PDSS1: variants seen among roughly 807,000 people sequenced by gnomAD.
PDSS1 encodes the protein decaprenyl diphosphate synthase subunit 1.
A neutral mutation model predicts 57.5 loss-of-function variants in PDSS1; 43 were observed. That is an observed-to-expected ratio of 0.75 (90% CI 0.59 to 0.96). The LOEUF is 0.96. Among genes scored for constraint, PDSS1 ranks in the 50% least tolerant of loss-of-function variants. The pLI is 0.00. For missense variants in PDSS1, 438 were observed against 527.8 expected, an observed-to-expected ratio of 0.83 and a Z score of 1.67; for synonymous variants, 175 against 191.3, an observed-to-expected ratio of 0.91 and a Z score of 0.70.
intron 2 of PDSS1, among the ~76,000 whole-genome samples, chr10:26,704,083 CAAAAA>C (rs1203931422): frequency 6.4e-5 from 2 of 31,080 alleles, no homozygotes; most frequent in East Asian, 3.6e-3. Flanking sequence ...CTCCGTCTCA[CAAAAA>C]AAAAAAAAAA....
At chr10:26,697,902 GGC>G in intron 1 of PDSS1, 62 bp downstream of exon 1, 1 of 1,231,150 alleles carries the variant, frequency 8.1e-7, no homozygotes, top group East Asian at 3.4e-5. Context: ...GACAGCAGTG[GGC>G]GGAATGAATG....
intron 10 of PDSS1, among the ~76,000 whole-genome samples, chr10:26,740,351 T>C (rs1418405058): frequency 2.0e-5 from 3 of 152,128 alleles, no homozygotes; most frequent in African/African-American, 7.2e-5. Context: ...CCGTAGAAGT[T>C]GATTTGGGCT....
intron 5 of PDSS1, chr10:26,717,768 G>A (rs1308383321): frequency 2.6e-5 from 4 of 151,928 alleles, no homozygotes; most frequent in Non-Finnish European, 4.4e-5. Flanking sequence ...TTGTTTTAAG[G>A]TAAGGTCTAC....
At chr10:26,744,677 G>A (rs574134035) in intron 11 of PDSS1, among the ~76,000 whole-genome samples, 7 of 152,104 alleles carry the variant, frequency 4.6e-5, no homozygotes, top group Non-Finnish European at 7.4e-5. Flanking sequence ...GTGAGCCACC[G>A]CGCTCAGTCC....
At chr10:26,738,898 A>G (rs984777883) in intron 10 of PDSS1, among the ~76,000 whole-genome samples, 5 of 152,234 alleles carry the variant, frequency 3.3e-5, no homozygotes, top group African/African-American at 1.2e-4. Flanking sequence ...GCGTCCTCCC[A>G]TGTACGTATG....
intron 5 of PDSS1, 91 bp downstream of exon 5, chr10:26,709,859 T>C (rs1835365571): frequency 3.6e-6 from 5 of 1,376,170 alleles, no homozygotes; most frequent in Non-Finnish European, 5.2e-6. Context: ...CATTTAAGAA[T>C]TAGCATATAC....
intron 8 of PDSS1, among the ~76,000 whole-genome samples, chr10:26,734,153 GA>G (rs924121451): frequency 6.6e-6 from 1 of 152,224 alleles, no homozygotes; most frequent in African/African-American, 2.4e-5. Flanking sequence ...AGGTCTTGTA[GA>G]GGGCACAAAT....
Position 26,709,710 on chromosome 10 carries a change from C to T in PDSS1, c.409C>T (p.Arg137Ter), listed in dbSNP as rs749092951. ...CTTTGATGGGAAAGGGAAAGCCTTTCGACCAATTATTGTGGCGCTAATGGC... is the reference window on the plus strand; with the variant it reads ...CTTTGATGGGAAAGGGAAAGCCTTTTGACCAATTATTGTGGCGCTAATGGC... ...YYFDGKGKAF[R>*]PIIVALMARA... Residue 137 changes from arginine (R) to a stop codon, truncating the protein, a stop_gained, in exon 5 of 12, where the codon CGA becomes TGA. Coordinates refer to ENST00000376215, the MANE Select transcript of PDSS1 (RefSeq NM_014317.5). LOFTEE classifies it high-confidence loss of function. 76 of 1,613,646 alleles carry T rather than the reference C, an allele frequency of 4.7e-5. No homozygotes were observed. Among genetic ancestry groups the T allele is most frequent in the Non-Finnish European group, 4.4e-5 (52 of 1,179,702 alleles).
At chr10:26,714,953 C>G (rs1835516439) in intron 5 of PDSS1, 2 of 152,110 alleles carry the variant, frequency 1.3e-5, no homozygotes, top group African/African-American at 4.8e-5. Context: ...AAAGCCTATC[C>G]CTGAAAAGAC....
intron 8 of PDSS1, among the ~76,000 whole-genome samples, chr10:26,731,756 G>C (rs1162628432): frequency 2.0e-5 from 3 of 152,216 alleles, no homozygotes; most frequent in Admixed American, 2.0e-4. Flanking sequence ...TCTCCTTTCT[G>C]AGTGAGGTGG....
At chr10:26,714,331 A>G (rs897419339) in intron 5 of PDSS1, among the ~76,000 whole-genome samples, 4 of 152,014 alleles carry the variant, frequency 2.6e-5, no homozygotes, top group Non-Finnish European at 4.4e-5. Flanking sequence ...AAAATTAGCC[A>G]GTCGTGGTGA....
rs1232289653 is a variant in PDSS1 at position 26,697,729 on chromosome 10, G to A, written c.18G>A (p.Trp6Ter). The change falls in exon 1 of 12, where the codon TGG becomes TGA. Residue 6 changes from tryptophan (W) to a stop codon, truncating the protein, a stop_gained. Transcript: ENST00000376215. LOFTEE classifies it high-confidence loss of function. ...CTCCGACCATGGCCTCGCGCTGGTG[G>A]CGGTGGCGGCGCGGCTGCTCCTGGA... is the stretch of plus-strand genomic sequence containing the variant. MASRW[W>*]RWRRGCSWKP... is the part of the protein sequence containing the mutation. 2.3e-5 allele frequency: 30 copies of A among 1,297,064 alleles called. No homozygotes were observed. The highest frequency in any genetic ancestry group is 2.7e-5 in the Non-Finnish European group (28 of 1,027,004). 80.3% of individuals were successfully genotyped at this position (1,297,064 alleles called of 1,614,324 possible).
At chr10:26,744,666 C>G (rs992311895) in intron 11 of PDSS1, among the ~76,000 whole-genome samples, 1 of 152,084 alleles carries the variant, frequency 6.6e-6, no homozygotes, top group Non-Finnish European at 1.5e-5. Context: ...GGAATACAGG[C>G]GTGAGCCACC....
intron 10 of PDSS1, among the ~76,000 whole-genome samples, chr10:26,739,772 C>T (rs999485720): frequency 6.6e-6 from 1 of 152,214 alleles, no homozygotes; most frequent in South Asian, 2.1e-4. Context: ...GAGGCCCAGG[C>T]GAGAGGATCA....
intron 11 of PDSS1, among the ~76,000 whole-genome samples, chr10:26,744,942 T>A (rs966994133): frequency 2.6e-5 from 4 of 151,886 alleles, no homozygotes; most frequent in Non-Finnish European, 5.9e-5. Context: ...GGTGGGTGGA[T>A]CACTTGAGGT....
chr10:26,725,948 G>C (rs1267229032), intron 8 of PDSS1, among the ~76,000 whole-genome samples: 1 of 152,156 alleles, frequency 6.6e-6, no homozygotes, highest in East Asian at 1.9e-4. Context: ...AGTCTTAGAA[G>C]CATTAGTAGT....
intron 5 of PDSS1, among the ~76,000 whole-genome samples, chr10:26,713,886 C>A (rs1380247089): frequency 6.6e-6 from 1 of 152,052 alleles, no homozygotes; most frequent in Non-Finnish European, 1.5e-5. Flanking sequence ...AGTCCTCTCA[C>A]CTTAGGCTGT....
At chr10:26,740,900 C>T (rs1392358157) in intron 10 of PDSS1, 1 of 310,032 alleles carries the variant, frequency 3.2e-6, no homozygotes, top group Admixed American at 3.9e-5. Context: ...AATGGTGACA[C>T]TTCTAAATAG....
chr10:26,742,065 C>T (rs1162353315), intron 10 of PDSS1, among the ~76,000 whole-genome samples: 2 of 152,096 alleles, frequency 1.3e-5, no homozygotes, highest in Non-Finnish European at 2.9e-5. Flanking sequence ...TTAGTAGAAA[C>T]GGAGTTTCAC....
Sources: gnomAD v4.1 joint callset for allele counts (sites outside exome capture counted in the v4.1 genomes callset) on GRCh38, gnomAD v4.1.1 for gene constraint, MANE v1.5 for transcripts, NCBI Gene and HGNC (gene_info 2026-07-23, HGNC 2026-07-21) for gene names.